GRIK4: variants seen among roughly 807,000 people sequenced by gnomAD.
GRIK4 encodes glutamate receptor ionotropic, kainate 4.
Under a neutral mutation model 104.9 loss-of-function variants are expected in GRIK4, and 40 were observed. That is an observed-to-expected ratio of 0.38 (90% CI 0.30 to 0.50). The LOEUF (loss-of-function observed/expected upper bound fraction) is 0.50. Ranked by LOEUF, GRIK4 falls within the 20% of genes least tolerant of loss-of-function variation. The pLI is 0.93. For synonymous variants in GRIK4, 485 were observed against 524.9 expected (o/e 0.92, Z 1.04); for missense variants, 1,047 against 1,308.1 (o/e 0.80, Z 3.08).
At position 120,905,206 on chromosome 11, in the gene GRIK4, C is replaced by A. The variant is rs1040339692; in HGVS notation, c.1273-84C>A. 5.1e-6 allele frequency: 5 copies of A among 984,006 alleles called. No homozygotes were observed. Among genetic ancestry groups the A allele is most frequent in the Non-Finnish European group, 8.2e-6 (5 of 613,140 alleles). The allele number at this position is 984,006 out of a possible 1,614,324, so 61.0% of individuals were successfully genotyped here. On this transcript the variant is annotated intron_variant, in intron 12 of 20. Coordinates refer to ENST00000527524, the MANE Select transcript of GRIK4 (RefSeq NM_014619.5). This position sits in a 1 kb window ranked among gnomAD's most constrained non-coding sequence, Gnocchi z 5.1. Reference sequence around the variant, plus strand: ...CTTCTGCCCCATGTCCTCCCCGACCCTCTGTGCCCCTGGCCCTCCCCATCA... The same window carrying A: ...CTTCTGCCCCATGTCCTCCCCGACCATCTGTGCCCCTGGCCCTCCCCATCA...
At chr11:120,945,680 T>A (rs558121856) in intron 14 of GRIK4, among the ~76,000 whole-genome samples, 115 of 152,344 alleles carry the variant, frequency 7.5e-4, no homozygotes, top group African/African-American at 2.6e-3. Context: ...CCTTTACCCC[T>A]GTAGGTCTTG....
intron 8 of GRIK4, among the ~76,000 whole-genome samples, chr11:120,852,266 C>T (rs1591990577): frequency 6.6e-6 from 1 of 152,226 alleles, no homozygotes; most frequent in Admixed American, 6.5e-5. Context: ...TTCCACCTGG[C>T]CTCTGCCTTC....
intron 3 of GRIK4, among the ~76,000 whole-genome samples, chr11:120,801,121 A>G (rs192420332): frequency 2.0e-4 from 31 of 152,316 alleles, no homozygotes; most frequent in Admixed American, 9.2e-4. Context: ...GGCAACCACA[A>G]ATCTTTCTGC....
intron 15 of GRIK4, among the ~76,000 whole-genome samples, chr11:120,954,782 TAC>T (rs768646075): frequency 0.023 from 2,440 of 107,968 alleles, 36 homozygotes; most frequent in Admixed American, 0.03. Flanking sequence ...TCTCTCTCAC[TAC>T]ACACACACAC....
rs138429958 is a variant in GRIK4 at position 120,882,153 on chromosome 11, C to CCCTCTTA, written c.1164+6912_1164+6918dup. ...CGGCATCTGTGCCCTTGACCCCAGC[C>CCCTCTTA]CCTCTTACTATGAGCTGACCCCATC... On this transcript the variant is annotated intron_variant, in intron 11 of 20. Transcript: ENST00000527524. Among the ~76,000 whole-genome samples, 1,397 of 152,272 alleles carry CCCTCTTA rather than the reference C, an allele frequency of 9.2e-3. 17 individuals are homozygous for CCCTCTTA. The highest frequency in any genetic ancestry group is 0.032 in the African/African-American group (1,327 of 41,550).
chr11:120,948,117 G>C (rs1035244803), intron 14 of GRIK4, among the ~76,000 whole-genome samples: 1 of 152,180 alleles, frequency 6.6e-6, no homozygotes, highest in Non-Finnish European at 1.5e-5. Context: ...CCTGCTGAGG[G>C]ACAGGAAGAA....
At chr11:120,786,187 C>T (rs769173608) in intron 3 of GRIK4, among the ~76,000 whole-genome samples, 3 of 152,176 alleles carry the variant, frequency 2.0e-5, no homozygotes, top group South Asian at 2.1e-4. Flanking sequence ...GATCCTCAGC[C>T]GCCTCCCTTC....
Position 120,631,514 on chromosome 11 carries a change from G to T in GRIK4, c.-158-22171G>T, listed in dbSNP as rs561739856. On this transcript the variant is annotated intron_variant, in intron 1 of 20. Transcript: ENST00000527524. ...GGGAGCCTCTTAAGGTCCAAGGAGA[G>T]AGTGACAAGCCTGGTAAACTCAGCA... is the stretch of plus-strand genomic sequence containing the variant. 3.3e-5 allele frequency among the ~76,000 whole-genome samples: 5 copies of T among 152,248 alleles called. No individual in the cohort carries two copies. In the South Asian group the frequency reaches 1.0e-3, roughly 32 times the overall value.
chr11:120,539,706 G>A (rs181415851), intron 1 of GRIK4, among the ~76,000 whole-genome samples: 71 of 152,322 alleles, frequency 4.7e-4, no homozygotes, highest in Non-Finnish European at 2.5e-4. Flanking sequence ...GCATCTCCCA[G>A]CTGAACAGAG....
At chr11:120,878,517 A>G (rs539356584) in intron 11 of GRIK4, among the ~76,000 whole-genome samples, 7 of 152,078 alleles carry the variant, frequency 4.6e-5, no homozygotes, top group Non-Finnish European at 1.0e-4. Context: ...AGAAGTGACC[A>G]TTAAAGAGGA....
In GRIK4 at chr11:120,819,582, G is replaced by T. The variant is rs7940347; in HGVS notation, c.346-173G>T. Among the ~76,000 whole-genome samples the T allele has an allele frequency of 0.47, 71,710 of 151,912 alleles. 17,944 individuals are homozygous for T. Among genetic ancestry groups the T allele is most frequent in the African/African-American group, 0.65 (26,973 of 41,450 alleles). On this transcript the variant is annotated intron_variant, in intron 5 of 20. Transcript: ENST00000527524. The surrounding 1 kb of genome is among the most constrained non-coding windows in gnomAD (Gnocchi z 4.3). ...TTGAAGCATCATCAGGGATGTCATCGCTCGTCTTCCTCCCACGGAGTGGGT... is the reference window on the plus strand; with the variant it reads ...TTGAAGCATCATCAGGGATGTCATCTCTCGTCTTCCTCCCACGGAGTGGGT...
intron 1 of GRIK4, among the ~76,000 whole-genome samples, chr11:120,623,365 T>C (rs1444490648): frequency 2.0e-5 from 3 of 152,156 alleles, no homozygotes; most frequent in African/African-American, 7.2e-5. Context: ...CCTCCTGGGC[T>C]CAAGTGATCC....
intron 1 of GRIK4, among the ~76,000 whole-genome samples, chr11:120,619,570 G>A (rs768948609): frequency 3.9e-5 from 6 of 152,174 alleles, no homozygotes; most frequent in East Asian, 1.9e-4. Context: ...TGTAATACCC[G>A]GTGTTGGAGG....
rs373164106 is a variant in GRIK4, at chr11:120,677,889, C to G, written c.82+17489C>G. Among the ~76,000 whole-genome samples the G allele has an allele frequency of 4.6e-5, 7 of 152,348 alleles. No homozygotes were observed. The South Asian group carries it at 1.2e-3, about 27-fold the overall frequency. On this transcript the variant is annotated intron_variant, in intron 3 of 20. Coordinates refer to ENST00000527524, the MANE Select transcript of GRIK4 (RefSeq NM_014619.5). ...TATTGAGCATCTACTGTGCCCATCA[C>G]TTCCATAAGTTATATGATTAATTTT...
At chr11:120,727,250 C>T (rs1240017548) in intron 3 of GRIK4, among the ~76,000 whole-genome samples, 1 of 152,120 alleles carries the variant, frequency 6.6e-6, no homozygotes, top group East Asian at 1.9e-4. Flanking sequence ...GGCTTCCTTC[C>T]AGAGTTCCCA....
chr11:120,612,515 T>A lies in GRIK4; in HGVS notation c.-158-41170T>A, dbSNP rs1949050522. Among the ~76,000 whole-genome samples, 5 of 147,882 alleles carry A rather than the reference T, an allele frequency of 3.4e-5. No homozygotes were observed. The Admixed American group carries it at 3.4e-4, about 10-fold the overall frequency. On this transcript the variant is annotated intron_variant, in intron 1 of 20. Transcript: ENST00000527524. ...CTTTTGAGGCAAAAAAAAAAAAAAA[T>A]CTTATTAGCCTTGTTAAGGGGTGCC...
At chr11:120,593,003 C>G (rs375563492) in intron 1 of GRIK4, among the ~76,000 whole-genome samples, 1 of 152,116 alleles carries the variant, frequency 6.6e-6, no homozygotes. Flanking sequence ...CCCAACATGG[C>G]GAAATCCCGT....
At chr11:120,683,982 C>T (rs1950237567) in intron 3 of GRIK4, among the ~76,000 whole-genome samples, 1 of 152,180 alleles carries the variant, frequency 6.6e-6, no homozygotes, top group African/African-American at 2.4e-5. Flanking sequence ...TTTTCCAGAC[C>T]ACTAACACTT....
At chr11:120,651,630 G>T (rs1949620732) in intron 1 of GRIK4, among the ~76,000 whole-genome samples, 1 of 152,150 alleles carries the variant, frequency 6.6e-6, no homozygotes, top group South Asian at 2.1e-4. Flanking sequence ...TGCCGCCACT[G>T]CTCTTCAGTT....
Sources: allele counts gnomAD v4.1 joint callset (sites outside exome capture counted in the v4.1 genomes callset), GRCh38; gene constraint gnomAD v4.1.1; non-coding constraint Gnocchi (gnomAD v3.1); transcripts MANE v1.5; gene names NCBI Gene and HGNC (gene_info 2026-07-23, HGNC 2026-07-21).